The following PHACTR3 variants were observed in gnomAD, a reference collection of about 807,000 sequenced individuals.
The protein encoded by PHACTR3 is protein phosphatase 1, regulatory subunit 123.
Under a neutral mutation model 66.8 loss-of-function variants are expected in PHACTR3, and 16 were observed. The observed-to-expected ratio is 0.24, with a 90% confidence interval of 0.16 to 0.36. The LOEUF (loss-of-function observed/expected upper bound fraction) is 0.36. Among genes scored for constraint, PHACTR3 ranks in the 10% least tolerant of loss-of-function variants. The pLI is 1.00. For synonymous variants in PHACTR3, 323 were observed against 292.1 expected, an observed-to-expected ratio of 1.11 and a Z score of -1.08; for missense variants, 647 against 719.9, an observed-to-expected ratio of 0.90 and a Z score of 1.16.
chr20:59,752,896 C>G (rs950839178), intron 3 of PHACTR3, among the ~76,000 whole-genome samples: 22 of 152,274 alleles, frequency 1.4e-4, no homozygotes, highest in South Asian at 6.2e-4. Flanking sequence ...CTCTCACATT[C>G]CCTGTGTGTT....
rs2038954173 is a variant in PHACTR3 at position 59,736,581 on chromosome 20, A to C, written c.119-6526A>C. 6.9e-6 allele frequency among the ~76,000 whole-genome samples: 1 copy of C among 145,192 alleles called. No homozygotes were observed. Among genetic ancestry groups the C allele is most frequent in the South Asian group, 2.2e-4 (1 of 4,548 alleles). ...CCATGCCCATGCATGCTGGCTCTGC[A>C]GTTGCTCACCCACCCACCCTCAGAG... is the stretch of plus-strand genomic sequence containing the variant. On this transcript the variant is annotated intron_variant, in intron 1 of 12. Transcript: ENST00000371015. This position sits in a 1 kb window ranked among gnomAD's most constrained non-coding sequence, Gnocchi z 4.6.
In PHACTR3 at chr20:59,650,740, C is replaced by CAAAA. The variant is rs34879994; in HGVS notation, c.118+45626_118+45629dup. Among the ~76,000 whole-genome samples the CAAAA allele has an allele frequency of 4.3e-3, 267 of 61,442 alleles. 4 individuals carry two copies. The highest frequency in any genetic ancestry group is 0.017 in the African/African-American group (257 of 15,466). The allele number at this position is 61,442 out of a possible 152,430, so 40.3% of individuals were successfully genotyped here. ...GGAATGTTTTCCAATGCGTTGATAG[C>CAAAA]AAAAAAAAAAAAAAAAAAAAAGTCT... On this transcript the variant is annotated intron_variant, in intron 1 of 12. Coordinates refer to ENST00000371015, the MANE Select transcript of PHACTR3 (RefSeq NM_080672.5).
At chr20:59,755,846 G>C (rs2039772832) in intron 4 of PHACTR3, among the ~76,000 whole-genome samples, 1 of 152,214 alleles carries the variant, frequency 6.6e-6, no homozygotes, top group Admixed American at 6.5e-5. Flanking sequence ...GAGCTGGTCG[G>C]TGCTGATGCA....
chr20:59,663,868 G>A (rs1000318410), intron 1 of PHACTR3, among the ~76,000 whole-genome samples: 5 of 152,234 alleles, frequency 3.3e-5, no homozygotes, highest in African/African-American at 1.2e-4. Context: ...CAAAGAACCA[G>A]TCTGTTTAGC....
rs529736049 is a variant in PHACTR3, at chr20:59,750,732, G to A, written c.358+2897G>A. Reference sequence around the variant, plus strand: ...TCTCTGCAGGGAAATATCAGGGACCGGGCAGCAGGGGTTGCTCTGGGAGGG... The same window carrying A: ...TCTCTGCAGGGAAATATCAGGGACCAGGCAGCAGGGGTTGCTCTGGGAGGG... On this transcript the variant is annotated intron_variant, in intron 3 of 12. Transcript: ENST00000371015. 9.8e-5 allele frequency among the ~76,000 whole-genome samples: 15 copies of A among 152,296 alleles called. 1 individual carries two copies. The highest frequency in any genetic ancestry group is 3.9e-4 in the East Asian group (2 of 5,170).
intron 1 of PHACTR3, among the ~76,000 whole-genome samples, chr20:59,591,511 A>G (rs2033181411): frequency 6.6e-6 from 1 of 152,144 alleles, no homozygotes; most frequent in African/African-American, 2.4e-5. Flanking sequence ...TTTTTGGGTG[A>G]GGTGGACCAG....
intron 1 of PHACTR3, chr20:59,628,569 A>G: frequency 1.0e-6 from 1 of 955,702 alleles, no homozygotes. Context: ...GAGAGAGGCG[A>G]GCCCTGTTCT....
Position 59,836,547 on chromosome 20 carries a change from A to G in PHACTR3, c.1371A>G (p.Arg457=). 1 of 1,611,112 alleles carries G rather than the reference A, an allele frequency of 6.2e-7. No individual in the cohort carries two copies. Among genetic ancestry groups the G allele is most frequent in the Non-Finnish European group, 8.5e-7 (1 of 1,178,970 alleles). Residue 457 remains arginine (R), a synonymous_variant, in exon 9 of 13, where the codon AGA becomes AGG. Transcript: ENST00000371015. ...QRPAVEELER[R]NILKQRNDQT... is the part of the protein sequence containing the mutation. ...CTGCCGTGGAAGAGCTGGAGAGAAG[A>G]AATATCTTGAAACGTGAGTAGCTGG...
chr20:59,729,921 C>T (rs771865942), intron 1 of PHACTR3, among the ~76,000 whole-genome samples: 12 of 152,114 alleles, frequency 7.9e-5, no homozygotes, highest in African/African-American at 1.2e-4. Context: ...ACGTTGGACC[C>T]GGACTTGGTA....
chr20:59,660,983 G>C (rs1043940609), intron 1 of PHACTR3, among the ~76,000 whole-genome samples: 4 of 152,196 alleles, frequency 2.6e-5, no homozygotes, highest in Non-Finnish European at 5.9e-5. Flanking sequence ...ATAAGGAAGA[G>C]AATGTGGCAG....
intron 7 of PHACTR3, among the ~76,000 whole-genome samples, chr20:59,792,670 ATGT>A (rs777980675): frequency 1.7e-4 from 26 of 152,190 alleles, no homozygotes; most frequent in Non-Finnish European, 3.1e-4. Flanking sequence ...ATAATTAATG[ATGT>A]TGAGCATTTT....
At chr20:59,764,719 A>G (rs919533429) in intron 4 of PHACTR3, among the ~76,000 whole-genome samples, 10 of 152,208 alleles carry the variant, frequency 6.6e-5, no homozygotes, top group African/African-American at 2.4e-4. Context: ...TGAGAGCGTA[A>G]CCCATTCACA....
intron 1 of PHACTR3, among the ~76,000 whole-genome samples, chr20:59,624,765 G>A (rs776503631): frequency 6.6e-6 from 1 of 152,162 alleles, no homozygotes; most frequent in Non-Finnish European, 1.5e-5. Flanking sequence ...AAAAAAACTT[G>A]TGATGTTAAT....
intron 8 of PHACTR3, among the ~76,000 whole-genome samples, chr20:59,812,165 G>A (rs540503098): frequency 7.2e-5 from 11 of 152,342 alleles, no homozygotes; most frequent in African/African-American, 2.6e-4. Flanking sequence ...ATTCGTGACT[G>A]TTGTGTAATT....
chr20:59,601,908 T>A (rs934152176), upstream of PHACTR3, among the ~76,000 whole-genome samples: 13 of 152,194 alleles, frequency 8.5e-5, no homozygotes, highest in African/African-American at 3.1e-4. Flanking sequence ...AAATGCCAAG[T>A]CTTATCCTTT....
At chr20:59,613,805 G>A (rs909132779) in intron 1 of PHACTR3, among the ~76,000 whole-genome samples, 1 of 152,182 alleles carries the variant, frequency 6.6e-6, no homozygotes, top group Non-Finnish European at 1.5e-5. Flanking sequence ...AGAAATTAAA[G>A]GTTGGACTAA....
chr20:59,840,327 TTCTCTTTG>T (rs760989932), intron 9 of PHACTR3, 34 bp from the exon 10 acceptor site: 25 of 1,596,466 alleles, frequency 1.6e-5, no homozygotes. Context: ...TTCAACCTGT[TTCTCTTTG>T]TTATTTTTTT....
chr20:59,592,157 A>G (rs1311439858), intron 1 of PHACTR3, among the ~76,000 whole-genome samples: 1 of 152,114 alleles, frequency 6.6e-6, no homozygotes, highest in Non-Finnish European at 1.5e-5. Context: ...ATGTCTTCCA[A>G]GCAGAACCCA....
At position 59,830,414 on chromosome 20, in the gene PHACTR3, GTGTC is replaced by G. The variant is rs1407108727; in HGVS notation, c.1329-6088_1329-6085del. On this transcript the variant is annotated intron_variant, in intron 8 of 12. Coordinates refer to ENST00000371015, the MANE Select transcript of PHACTR3 (RefSeq NM_080672.5). This position sits in a 1 kb window ranked among gnomAD's most constrained non-coding sequence, Gnocchi z 5.8. The stretch of plus-strand genomic sequence containing the variant: ...AGCATGAGTGATGAAGAGGGTGTGA[GTGTC>G]TGATGGAGGAATGTGTGGGCATCTG... Among the ~76,000 whole-genome samples the G allele has an allele frequency of 6.6e-6, 1 of 152,156 alleles. No homozygotes were observed. The highest frequency in any genetic ancestry group is 2.4e-5 in the African/African-American group (1 of 41,440).
Sources: gnomAD v4.1 joint callset for allele counts (sites outside exome capture counted in the v4.1 genomes callset) on GRCh38, gnomAD v4.1.1 for gene constraint, Gnocchi (gnomAD v3.1) non-coding constraint, MANE v1.5 for transcripts, NCBI Gene and HGNC (gene_info 2026-07-23, HGNC 2026-07-21) for gene names.